Variants in PATL1 observed in about 807,000 individuals in gnomAD.
The protein encoded by PATL1 is protein PAT1 homolog 1.
PATL1 carries 32 observed loss-of-function variants against 100.6 expected under a neutral mutation model. The ratio of observed to expected loss-of-function variants is 0.32; its 90% CI spans 0.24 to 0.43. The LOEUF (loss-of-function observed/expected upper bound fraction) is 0.43, where lower values mean the gene tolerates loss of function less well. Ranked by LOEUF, PATL1 falls within the 20% of genes least tolerant of loss-of-function variation. The pLI is 1.00. For missense variants in PATL1, 747 were observed against 949.9 expected (o/e 0.79, Z 2.81); for synonymous variants, 332 against 330.0 (o/e 1.01, Z -0.07).
chr11:59,656,986 G>T, intron 5 of PATL1: 2 of 750,498 alleles, frequency 2.7e-6, no homozygotes, highest in Non-Finnish European at 3.2e-6. Flanking sequence ...TGATATGGCC[G>T]CCATGCTCAG....
At position 59,637,915 on chromosome 11, in the gene PATL1, GTGTGTGTGTGTGTATCTA is replaced by G. The variant is rs1242482538; in HGVS notation, c.*457_*474del. 1.3e-5 allele frequency: 2 copies of G among 158,506 alleles called. No homozygotes were observed. The highest frequency in any genetic ancestry group is 3.5e-4 in the East Asian group (2 of 5,666). The allele number at this position is 158,506 out of a possible 1,614,324, so 9.8% of individuals were successfully genotyped here. On this transcript the variant is annotated 3_prime_UTR_variant, in exon 19 of 19. Coordinates refer to ENST00000300146, the MANE Select transcript of PATL1 (RefSeq NM_152716.3). ...AAGACCACATAAATACATGTATGGG[GTGTGTGTGTGTGTATCTA>G]TGTGTGTGTGTATATCTTGATTTCT...
Position 59,639,279 on chromosome 11 carries a change from A to G in PATL1, c.2141+13T>C, listed in dbSNP as rs181410120. 639 of 1,558,468 alleles carry G rather than the reference A, an allele frequency of 4.1e-4. 2 individuals carry two copies. The highest frequency in any genetic ancestry group is 3.9e-3 in the Middle Eastern group (23 of 5,974). On this transcript the variant is annotated intron_variant, in intron 17 of 18. Coordinates refer to ENST00000300146, the MANE Select transcript of PATL1 (RefSeq NM_152716.3). The stretch of plus-strand genomic sequence containing the variant: ...AAGAACTTAAAATAAGAGAAGAAAC[A>G]GTCCACACTGACCACTGATTATTTT...
intron 15 of PATL1, among the ~76,000 whole-genome samples, chr11:59,643,370 G>C (rs1413302267): frequency 6.6e-6 from 1 of 151,852 alleles, no homozygotes; most frequent in Non-Finnish European, 1.5e-5. Context: ...AAAAACAAAT[G>C]GCAAAAGGAC....
At chr11:59,653,236 C>T (rs771614467) in intron 9 of PATL1, among the ~76,000 whole-genome samples, 2 of 152,012 alleles carry the variant, frequency 1.3e-5, no homozygotes, top group Non-Finnish European at 2.9e-5. Flanking sequence ...GAGTACCTTA[C>T]CATATGCTAA....
chr11:59,651,670 AAC>A, intron 11 of PATL1, 29 bp from the exon 12 acceptor site: 3 of 1,446,876 alleles, frequency 2.1e-6, no homozygotes, highest in African/African-American at 1.4e-5. Context: ...AAAAAATTCC[AAC>A]AAAATAAAAA....
In PATL1 at chr11:59,656,573, G is replaced by A. The variant is rs1565134624; in HGVS notation, c.649C>T (p.Arg217Trp). 5.6e-6 allele frequency: 9 copies of A among 1,613,908 alleles called. No individual in the cohort carries two copies. The highest frequency in any genetic ancestry group is 1.7e-5 in the Admixed American group (1 of 60,014). Reference protein sequence around the residue: ...QILCPKPVHVRPPMPPRYPAP... With the variant: ...QILCPKPVHVWPPMPPRYPAP... The stretch of plus-strand genomic sequence containing the variant: ...GGATAACGAGGTGGCATTGGGGGCC[G>A]AACATGGACAGGCTTCGGACACAGA... The change falls in exon 6 of 19, where the codon CGG becomes TGG. Residue 217 changes from arginine (R) to tryptophan (W), a missense_variant. Physicochemically the swap from Arg to Trp is moderately radical, Grantham distance 101. This residue lies in a region of PATL1 where 127 missense variants were observed against 116.0 expected (regional missense o/e 1.09). Transcript: ENST00000300146.
In PATL1 at chr11:59,655,398, A is replaced by G. The variant is rs529042947; in HGVS notation, c.1031+125T>C. 16 of 905,168 alleles carry G rather than the reference A, an allele frequency of 1.8e-5. No individual in the cohort carries two copies. In the East Asian group the frequency reaches 4.0e-4, roughly 23 times the overall value. The allele number at this position is 905,168 out of a possible 1,614,324, so 56.1% of individuals were successfully genotyped here. A position where few individuals can be genotyped will look rare whatever the true frequency, so the allele number is the denominator to read the frequency against. ...TTGTCAAACATTTCCATGTTTGCCA[A>G]CTTGAGGATCCAATAACATCTTAAA... On this transcript the variant is annotated intron_variant, in intron 8 of 18. Transcript: ENST00000300146.
chr11:59,647,246 C>CAAAAAAAAAAAAAAAAAAAAAAAAAAAAA, intron 15 of PATL1, among the ~76,000 whole-genome samples: 1 of 141,176 alleles, frequency 7.1e-6, no homozygotes, highest in South Asian at 2.2e-4. Flanking sequence ...AAAAAAAAAC[C>CAAAAAAAAAAAAAAAAAAAAAAAAAAAAA]AAAAGGGGAC....
At position 59,655,507 on chromosome 11, in the gene PATL1, C is replaced by T. The variant is rs1202705415; in HGVS notation, c.1031+16G>A. 13 of 1,531,472 alleles carry T rather than the reference C, an allele frequency of 8.5e-6. No homozygotes were observed. Among genetic ancestry groups the T allele is most frequent in the Admixed American group, 4.0e-5 (2 of 49,718 alleles). 94.9% of individuals were successfully genotyped at this position (1,531,472 alleles called of 1,614,324 possible). A position where few individuals can be genotyped will look rare whatever the true frequency, so the allele number is the denominator to read the frequency against. On this transcript the variant is annotated intron_variant, in intron 8 of 18. Transcript: ENST00000300146. Reference sequence around the variant, plus strand: ...TTGGCTGATAACTGATAAACAGTGGCGTTGATTTTGTATACCTTAGGTTTT... The same window carrying T: ...TTGGCTGATAACTGATAAACAGTGGTGTTGATTTTGTATACCTTAGGTTTT...
Position 59,666,928 on chromosome 11 carries a change from C to A in PATL1, c.52G>T (p.Ala18Ser). 6.5e-7 allele frequency: 1 copy of A among 1,549,950 alleles called. No individual in the cohort carries two copies. Reference sequence around the variant, plus strand: ...TCTTCTTCTCCCAGTCCCTGAAATGCATCTTCATCTTCATCCAGAGGACAA... The same window carrying A: ...TCTTCTTCTCCCAGTCCCTGAAATGAATCTTCATCTTCATCCAGAGGACAA... Reference protein sequence around the residue: ...EDCPLDEDEDAFQGLGEEDEE... With the variant: ...EDCPLDEDEDSFQGLGEEDEE... The change falls in exon 2 of 19, where the codon GCA becomes TCA. Residue 18 changes from alanine (A) to serine (S), a missense_variant. Ala to Ser is a moderately conservative substitution (Grantham distance 99). Coordinates refer to ENST00000300146, the MANE Select transcript of PATL1 (RefSeq NM_152716.3).
At chr11:59,652,794 AG>A in intron 10 of PATL1, 43 bp downstream of exon 10, 1 of 1,590,840 alleles carries the variant, frequency 6.3e-7, no homozygotes. Flanking sequence ...TCACCAGTGT[AG>A]GGGACCAAAC....
rs1315841076 is a variant in PATL1 at position 59,659,440 on chromosome 11, G to A, written c.157C>T (p.Leu53=). The part of the protein sequence containing the change: ...DDDWQEAHER[L]AELEEKLPVA... ...GGTAGCTTTTCTTCCAATTCAGCCA[G>A]GCGCTCATGTGCTTCCTGCCAATCA... The change falls in exon 3 of 19, where the codon CTG becomes TTG. Residue 53 remains leucine (L), a synonymous_variant. Coordinates refer to ENST00000300146, the MANE Select transcript of PATL1 (RefSeq NM_152716.3). The A allele has an allele frequency of 1.3e-6, 2 of 1,550,888 alleles. No individual in the cohort carries two copies. Among genetic ancestry groups the A allele is most frequent in the Non-Finnish European group, 8.7e-7 (1 of 1,146,942 alleles).
chr11:59,666,611 T>C (rs1235665758), intron 2 of PATL1, among the ~76,000 whole-genome samples: 1 of 152,192 alleles, frequency 6.6e-6, no homozygotes, highest in Non-Finnish European at 1.5e-5. Context: ...ATCGATCATA[T>C]AGCTGGAAGG....
At position 59,668,868 on chromosome 11, in the gene PATL1, C is replaced by T. The variant is rs752068304; in HGVS notation, c.15+13G>A. The T allele has an allele frequency of 4.7e-4, 626 of 1,321,730 alleles. 1 individual carries two copies. The highest frequency in any genetic ancestry group is 6.0e-4 in the Non-Finnish European group (590 of 984,820). 81.9% of individuals were successfully genotyped at this position (1,321,730 alleles called of 1,614,324 possible). ...GAGGGAGGGAGGGGTCACTTCCGGT[C>T]GCAACAGCTCACCTCGTAGCGGAAC... On this transcript the variant is annotated intron_variant, in intron 1 of 18. Coordinates refer to ENST00000300146, the MANE Select transcript of PATL1 (RefSeq NM_152716.3).
At position 59,668,734 on chromosome 11, in the gene PATL1, C is replaced by T. The variant is rs150370443; in HGVS notation, c.15+147G>A. On this transcript the variant is annotated intron_variant, in intron 1 of 18. Coordinates refer to ENST00000300146, the MANE Select transcript of PATL1 (RefSeq NM_152716.3). ...CCCAGCCCTAGGATTAGACCCGCGA[C>T]CCCAGACCAGTCGCGTCCAGCTAAG... 1,082 of 429,246 alleles carry T rather than the reference C, an allele frequency of 2.5e-3. 12 individuals are homozygous for T. Among genetic ancestry groups the T allele is most frequent in the African/African-American group, 0.021 (1,003 of 46,694 alleles). The allele number at this position is 429,246 out of a possible 1,614,324, so 26.6% of individuals were successfully genotyped here.
Position 59,655,979 on chromosome 11 carries a change from C to T in PATL1, c.790G>A (p.Ala264Thr). 4 of 1,601,078 alleles carry T rather than the reference C, an allele frequency of 2.5e-6. No homozygotes were observed. The highest frequency in any genetic ancestry group is 3.4e-6 in the Non-Finnish European group (4 of 1,174,634). ...VPPVLSPLQRAQLLGGAQLQP... is the reference protein window; with the variant it reads ...VPPVLSPLQRTQLLGGAQLQP... Reference sequence around the variant, plus strand: ...ACCTGTGCTCCTCCAAGAAGCTGTGCTCTCTGGAGGGGGCTGAGAACAGGA... The same window carrying T: ...ACCTGTGCTCCTCCAAGAAGCTGTGTTCTCTGGAGGGGGCTGAGAACAGGA... Residue 264 changes from alanine to threonine, a missense_variant, in exon 7 of 19, where the codon GCA becomes ACA. Physicochemically the swap from Ala to Thr is moderately conservative, Grantham distance 58 (BLOSUM62 0). Transcript: ENST00000300146.
chr11:59,656,430 G>A (rs1170176452), intron 6 of PATL1, 69 bp downstream of exon 6: 3 of 1,266,910 alleles, frequency 2.4e-6, no homozygotes, highest in East Asian at 4.8e-5. Flanking sequence ...CTAAATACTG[G>A]CAGTGATCTT....
chr11:59,638,255 A>G lies in PATL1; in HGVS notation c.*135T>C. Reference sequence around the variant, plus strand: ...TGACATTTAGAGAGACAACCCCTGTAAACAGGAATCGATCCCACAAGACTT... The same window carrying G: ...TGACATTTAGAGAGACAACCCCTGTGAACAGGAATCGATCCCACAAGACTT... On this transcript the variant is annotated 3_prime_UTR_variant, in exon 19 of 19. Transcript: ENST00000300146. 2 of 868,190 alleles carry G rather than the reference A, an allele frequency of 2.3e-6. No individual in the cohort carries two copies. The highest frequency in any genetic ancestry group is 1.5e-5 in the South Asian group (1 of 66,634). 53.8% of individuals were successfully genotyped at this position (868,190 alleles called of 1,614,324 possible). A position where few individuals can be genotyped will look rare whatever the true frequency, so the allele number is the denominator to read the frequency against.
intron 18 of PATL1, among the ~76,000 whole-genome samples, chr11:59,638,623 A>C (rs1861226942): frequency 6.6e-6 from 1 of 152,124 alleles, no homozygotes; most frequent in African/African-American, 2.4e-5. Context: ...GTTAATAAAA[A>C]GTCAATCTCT....
Sources: gnomAD v4.1 joint callset for allele counts (sites outside exome capture counted in the v4.1 genomes callset) on GRCh38, gnomAD v4.1.1 for gene constraint, gnomAD v4.1.1 regional missense constraint, MANE v1.5 for transcripts, NCBI Gene and HGNC (gene_info 2026-07-23, HGNC 2026-07-21) for gene names.